MTRF1: variants seen among roughly 807,000 people sequenced by gnomAD.
MTRF1 encodes mitochondrial translation release factor 1, also known as peptide chain release factor 1, mitochondrial.
MTRF1 carries 51 observed loss-of-function variants against 62.9 expected under a neutral mutation model. That is an observed-to-expected ratio of 0.81 (90% CI 0.65 to 1.02). The LOEUF is 1.02. MTRF1 is among the 50% of genes least tolerant of loss of function. MTRF1 has a pLI of 0.00. For synonymous variants in MTRF1, 158 were observed against 181.9 expected (o/e 0.87, Z 1.06); for missense variants, 446 against 530.0 (o/e 0.84, Z 1.56).
intron 9 of MTRF1, among the ~76,000 whole-genome samples, chr13:41,222,692 C>G (rs572677088): frequency 1.3e-5 from 2 of 152,334 alleles, no homozygotes; most frequent in East Asian, 1.9e-4. Flanking sequence ...AAAGCAGCCT[C>G]CAGCTGACTG....
the MTRF1 span, among the ~76,000 whole-genome samples, chr13:41,277,911 A>G: frequency 2.0e-5 from 3 of 152,204 alleles, no homozygotes; most frequent in Non-Finnish European, 4.4e-5. Flanking sequence ...GGATTTTAGG[A>G]GTTATATGAC....
chr13:41,221,156 C>CA (rs1555243896), intron 9 of MTRF1, among the ~76,000 whole-genome samples: 12 of 140,772 alleles, frequency 8.5e-5, no homozygotes, highest in African/African-American at 3.1e-4. Context: ...GTTATTCACT[C>CA]TTTTTTTTTT....
chr13:41,266,855 C>T (rs995323751), upstream of MTRF1, among the ~76,000 whole-genome samples: 4 of 151,788 alleles, frequency 2.6e-5, no homozygotes, highest in African/African-American at 4.8e-5. Context: ...ATTAGCCGGG[C>T]GTGGTGGCAG....
At chr13:41,252,795 G>C in intron 4 of MTRF1, 43 bp from the exon 5 acceptor site, 1 of 1,555,350 alleles carries the variant, frequency 6.4e-7, no homozygotes, top group Non-Finnish European at 8.9e-7. Flanking sequence ...ACAAATTTCG[G>C]AAAGCCACCC....
At chr13:41,274,851 G>A in the MTRF1 span, among the ~76,000 whole-genome samples, 3 of 152,018 alleles carry the variant, frequency 2.0e-5, no homozygotes, top group Non-Finnish European at 4.4e-5. Flanking sequence ...GACCTCAAGT[G>A]ATTCACCCCC....
the MTRF1 span, among the ~76,000 whole-genome samples, chr13:41,282,370 T>C: frequency 5.3e-5 from 8 of 152,040 alleles, no homozygotes; most frequent in Non-Finnish European, 1.0e-4. Flanking sequence ...GGCAGGAGGA[T>C]TGCTTGAGCC....
intron 2 of MTRF1, among the ~76,000 whole-genome samples, chr13:41,259,712 A>AAAAACAAAAAAAAAAAAAC (rs1566179405): frequency 7.3e-6 from 1 of 136,714 alleles, no homozygotes; most frequent in Non-Finnish European, 1.6e-5. Flanking sequence ...AAAAAAAAAA[A>AAAAACAAAAAAAAAAAAAC]AAAAAAAAAC....
Position 41,240,449 on chromosome 13 carries a change from T to A in MTRF1, c.698-16A>T. On this transcript the variant is annotated splice_polypyrimidine_tract_variant and intron_variant, in intron 5 of 9. Coordinates refer to ENST00000379480, the MANE Select transcript of MTRF1 (RefSeq NM_004294.4). ...TGTAGTCCACCTAGGGGAACAACAA[T>A]CCAGAAATAGTAATGAATTATCCTT... 6.2e-7 allele frequency: 1 copy of A among 1,607,194 alleles called. No individual in the cohort carries two copies. The highest frequency in any genetic ancestry group is 8.5e-7 in the Non-Finnish European group (1 of 1,176,552).
rs758325122 is a variant in MTRF1 at position 41,251,298 on chromosome 13, TTCCA to T, written c.697+1343_697+1346del. Among the ~76,000 whole-genome samples the T allele has an allele frequency of 1.2e-4, 19 of 152,186 alleles. 3 individuals are homozygous for T. The highest frequency in any genetic ancestry group is 7.2e-4 in the Admixed American group (11 of 15,282). Reference sequence around the variant, plus strand: ...TTGCAGTCTGCACTAAATCTAGCCTTTCCATCCATCCATCCATCCATCCATCACT... The same window carrying T: ...TTGCAGTCTGCACTAAATCTAGCCTTTCCATCCATCCATCCATCCATCACT... On this transcript the variant is annotated intron_variant, in intron 5 of 9. Transcript: ENST00000379480.
chr13:41,298,028 T>A, the MTRF1 span, among the ~76,000 whole-genome samples: 2 of 150,058 alleles, frequency 1.3e-5, no homozygotes, highest in African/African-American at 4.9e-5. Flanking sequence ...ACATTTTCCC[T>A]TTTTTTTTGA....
chr13:41,268,291 A>G (rs1366653548), upstream of MTRF1, among the ~76,000 whole-genome samples: 1 of 152,232 alleles, frequency 6.6e-6, no homozygotes, highest in Non-Finnish European at 1.5e-5. Flanking sequence ...AAGCCAAATT[A>G]TGTCATTTTT....
chr13:41,311,316 A>C, the MTRF1 span: 1 of 552,156 alleles, frequency 1.8e-6, no homozygotes, highest in Non-Finnish European at 3.2e-6. Context: ...AGCGGAGCCC[A>C]GGGGAAGCGT....
chr13:41,269,372 G>C, the MTRF1 span, among the ~76,000 whole-genome samples: 13,723 of 151,380 alleles, frequency 0.091, 861 homozygotes, highest in African/African-American at 0.17. Flanking sequence ...GGTAATTTTT[G>C]TATTTTTAGT....
intron 9 of MTRF1, among the ~76,000 whole-genome samples, chr13:41,219,941 C>T (rs890410104): frequency 4.6e-5 from 6 of 129,428 alleles, no homozygotes; most frequent in Admixed American, 9.3e-5. Flanking sequence ...GAGGTTGTAG[C>T]GAGCTGAGAT....
chr13:41,239,643 C>G (rs898086155), intron 6 of MTRF1, among the ~76,000 whole-genome samples: 1 of 152,052 alleles, frequency 6.6e-6, no homozygotes, highest in African/African-American at 2.4e-5. Context: ...GGTCCCCATA[C>G]TGATATTATA....
At position 41,252,678 on chromosome 13, in the gene MTRF1, A is replaced by G. The variant is rs2039222990; in HGVS notation, c.664T>C (p.Phe222Leu). The change falls in exon 5 of 10, where the codon TTT (phenylalanine) becomes CTT (leucine). Residue 222 changes from phenylalanine to leucine, a missense_variant. Transcript: ENST00000379480. Reference protein sequence around the residue: ...QNYSCYKHWQFELLNYTPADY... With the variant: ...QNYSCYKHWQLELLNYTPADY... ...GCTGGTGTATAATTCAGAAGTTCAA[A>G]TTGCCAGTGTTTATAGCACGAATAA... 1.2e-6 allele frequency: 2 copies of G among 1,613,516 alleles called. No homozygotes were observed. The highest frequency in any genetic ancestry group is 1.3e-5 in the African/African-American group (1 of 74,920).
the MTRF1 span, among the ~76,000 whole-genome samples, chr13:41,271,405 C>G: frequency 1.3e-5 from 2 of 152,108 alleles, no homozygotes; most frequent in Non-Finnish European, 2.9e-5. Context: ...CTTGCTTTCT[C>G]CTCATTCTTA....
At chr13:41,252,844 T>C in intron 4 of MTRF1, 92 bp from the exon 5 acceptor site, 1 of 1,390,688 alleles carries the variant, frequency 7.2e-7, no homozygotes, top group South Asian at 1.2e-5. Flanking sequence ...AATAACTATT[T>C]CCAAATTTAA....
the MTRF1 span, among the ~76,000 whole-genome samples, chr13:41,290,760 C>T: frequency 6.6e-6 from 1 of 151,720 alleles, no homozygotes; most frequent in Non-Finnish European, 1.5e-5. Context: ...AAAATTCACC[C>T]TCTAAAACTG....
Sources: allele counts gnomAD v4.1 joint callset (sites outside exome capture counted in the v4.1 genomes callset), GRCh38; gene constraint gnomAD v4.1.1; transcripts MANE v1.5; gene names NCBI Gene and HGNC (gene_info 2026-07-23, HGNC 2026-07-21).